EPHA6: variants seen among roughly 807,000 people sequenced by gnomAD.
EPHA6 encodes EPH receptor A6.
A neutral mutation model predicts 112.0 loss-of-function variants in EPHA6; 50 were observed. The observed-to-expected ratio is 0.45, with a 90% confidence interval of 0.36 to 0.56. The LOEUF is 0.56. Among genes scored for constraint, EPHA6 ranks in the 20% least tolerant of loss-of-function variants. The probability of loss-of-function intolerance (pLI) is 0.00; values close to 1 mark genes in which losing one functional copy is unlikely to be tolerated. For missense variants in EPHA6, 1,280 were observed against 1,417.4 expected (o/e 0.90, Z 1.56); for synonymous variants, 529 against 490.7 (o/e 1.08, Z -1.03).
intron 3 of EPHA6, among the ~76,000 whole-genome samples, chr3:97,202,291 A>G (rs568341847): frequency 5.3e-5 from 8 of 152,170 alleles, no homozygotes; most frequent in African/African-American, 1.4e-4. Flanking sequence ...CTTGAGGTCA[A>G]TGCTTTGGTA....
intron 1 of EPHA6, among the ~76,000 whole-genome samples, chr3:96,845,560 T>A (rs1418458140): frequency 6.6e-6 from 1 of 152,062 alleles, no homozygotes; most frequent in Non-Finnish European, 1.5e-5. Context: ...CCTTGTTTGT[T>A]CTGCCTGTCT....
At chr3:97,745,311 T>C (rs760409706) in intron 16 of EPHA6, 3 of 441,262 alleles carry the variant, frequency 6.8e-6, no homozygotes, top group South Asian at 1.6e-5. Context: ...TGTTGGTAGA[T>C]GCTATGATAG....
chr3:96,982,256 C>T (rs1210953207), intron 2 of EPHA6, among the ~76,000 whole-genome samples: 4 of 152,100 alleles, frequency 2.6e-5, no homozygotes, highest in Non-Finnish European at 5.9e-5. Context: ...TATGTTGTGT[C>T]TTTGTTCTTG....
chr3:97,365,299 G>A (rs551774409), intron 5 of EPHA6, among the ~76,000 whole-genome samples: 7 of 152,168 alleles, frequency 4.6e-5, no homozygotes, highest in Admixed American at 2.0e-4. Context: ...GATGAGCCTC[G>A]AGTTCTATAA....
rs9834291 is a variant in EPHA6, at chr3:97,362,307, G to A, written c.1607-42843G>A. On this transcript the variant is annotated intron_variant, in intron 5 of 17. Coordinates refer to ENST00000389672, the MANE Select transcript of EPHA6 (RefSeq NM_001080448.3). ...CCAATCAGCTTATTTATGAGCATGC[G>A]CACATGTGAATTATTTTACATTATG... Among the ~76,000 whole-genome samples the A allele has an allele frequency of 3.3e-5, 5 of 151,932 alleles. No individual in the cohort carries two copies. In the East Asian group the frequency reaches 5.8e-4, roughly 18 times the overall value.
intron 12 of EPHA6, chr3:97,606,063 C>T (rs2093678048): frequency 6.6e-6 from 1 of 151,306 alleles, no homozygotes; most frequent in Non-Finnish European, 1.5e-5. Flanking sequence ...AATTACCAAG[C>T]AATTTAGACG....
At chr3:97,251,725 C>T (rs944351339) in intron 5 of EPHA6, among the ~76,000 whole-genome samples, 2 of 152,102 alleles carry the variant, frequency 1.3e-5, no homozygotes, top group African/African-American at 4.8e-5. Flanking sequence ...TTCCTCTGCA[C>T]TTTTCTATTT....
intron 5 of EPHA6, among the ~76,000 whole-genome samples, chr3:97,334,324 A>G (rs1054805823): frequency 2.0e-5 from 3 of 151,710 alleles, no homozygotes; most frequent in Non-Finnish European, 2.9e-5. Flanking sequence ...AGCATTCTCT[A>G]CTCTTCTAAA....
chr3:96,982,932 T>C (rs1475637729), intron 2 of EPHA6, among the ~76,000 whole-genome samples: 5 of 152,198 alleles, frequency 3.3e-5, no homozygotes, highest in Admixed American at 6.5e-5. Flanking sequence ...TCCTTTTATT[T>C]TGAGCCTATG....
chr3:97,507,161 C>T (rs1354768811), intron 10 of EPHA6, among the ~76,000 whole-genome samples: 3 of 152,132 alleles, frequency 2.0e-5, no homozygotes, highest in African/African-American at 7.2e-5. Flanking sequence ...TTTATTTTTT[C>T]TCTTGCCTGA....
chr3:97,578,015 G>A (rs1386557042), intron 11 of EPHA6, among the ~76,000 whole-genome samples: 1 of 152,022 alleles, frequency 6.6e-6, no homozygotes, highest in Non-Finnish European at 1.5e-5. Context: ...GAATAGGCTA[G>A]AACAGCCAAA....
At chr3:97,334,607 G>A (rs2082969135) in intron 5 of EPHA6, among the ~76,000 whole-genome samples, 1 of 151,398 alleles carries the variant, frequency 6.6e-6, no homozygotes, top group Non-Finnish European at 1.5e-5. Context: ...AGCCTCTCAA[G>A]TAGCTGGGAC....
chr3:97,519,864 C>T (rs1234842344), intron 10 of EPHA6, among the ~76,000 whole-genome samples: 2 of 150,434 alleles, frequency 1.3e-5, no homozygotes, highest in Admixed American at 6.6e-5. Context: ...TTTATGTGAT[C>T]TAAGAGTTTT....
intron 14 of EPHA6, among the ~76,000 whole-genome samples, chr3:97,694,986 G>GT (rs948318960): frequency 2.2e-4 from 33 of 152,062 alleles, no homozygotes; most frequent in African/African-American, 6.3e-4. Flanking sequence ...ATCAAAATGT[G>GT]TTTTTTTCCT....
chr3:96,995,832 C>T (rs569069982), intron 3 of EPHA6, among the ~76,000 whole-genome samples: 2 of 152,178 alleles, frequency 1.3e-5, no homozygotes, highest in South Asian at 2.1e-4. Context: ...AATCTTGACT[C>T]GATATTGATG....
intron 1 of EPHA6, 139 bp downstream of exon 1, chr3:96,815,147 T>C: frequency 2.5e-6 from 2 of 805,504 alleles, no homozygotes. Context: ...ATCGAGGATG[T>C]CCCCTTACCC....
intron 6 of EPHA6, among the ~76,000 whole-genome samples, chr3:97,431,144 T>G (rs996230098): frequency 6.6e-6 from 1 of 152,140 alleles, no homozygotes; most frequent in Non-Finnish European, 1.5e-5. Context: ...TGTGAGATTG[T>G]TTCTATTTTC....
chr3:97,690,871 T>C (rs986552676), intron 14 of EPHA6, among the ~76,000 whole-genome samples: 1 of 152,274 alleles, frequency 6.6e-6, no homozygotes, highest in African/African-American at 2.4e-5. Context: ...ATATGATTTG[T>C]AAATATTATC....
At chr3:97,253,007 A>C (rs2079187702) in intron 5 of EPHA6, among the ~76,000 whole-genome samples, 1 of 152,226 alleles carries the variant, frequency 6.6e-6, no homozygotes, top group South Asian at 2.1e-4. Flanking sequence ...TAGTGGGAAA[A>C]AAAGATGCCT....
Sources: allele counts gnomAD v4.1 joint callset (sites outside exome capture counted in the v4.1 genomes callset), GRCh38; gene constraint gnomAD v4.1.1; transcripts MANE v1.5; gene names NCBI Gene and HGNC (gene_info 2026-07-23, HGNC 2026-07-21).